Variants in NOMO3 observed in about 807,000 individuals in gnomAD.
NOMO3 encodes NODAL modulator 3.
In NOMO3, 15 loss-of-function variants were observed where a neutral mutation model predicts 69.9. That is an observed-to-expected ratio of 0.21 (90% CI 0.14 to 0.33). The LOEUF is 0.33. Ranked by LOEUF, NOMO3 falls within the 10% of genes least tolerant of loss-of-function variation. NOMO3 has a pLI of 1.00. For missense variants in NOMO3, 218 were observed against 761.0 expected (o/e 0.29, Z 8.39); for synonymous variants, 89 against 301.9 (o/e 0.29, Z 7.31).
intron 2 of NOMO3, among the ~76,000 whole-genome samples, chr16:16,239,189 T>C (rs1366075929): frequency 2.8e-5 from 4 of 144,580 alleles, no homozygotes; most frequent in African/African-American, 5.5e-5. Flanking sequence ...CCCCTTCCGC[T>C]GCCCATGCTG....
At chr16:16,241,499 C>T (rs924921366) in intron 3 of NOMO3, among the ~76,000 whole-genome samples, 1 of 126,764 alleles carries the variant, frequency 7.9e-6, no homozygotes, top group Admixed American at 7.8e-5. Context: ...AACTTCTGCC[C>T]GGGTTCAAGC....
At chr16:16,256,395 C>T (rs892144797) in intron 11 of NOMO3, among the ~76,000 whole-genome samples, 1 of 107,410 alleles carries the variant, frequency 9.3e-6, no homozygotes, top group African/African-American at 5.3e-5. Context: ...CCTGCCTCAG[C>T]TTCCCAAGTA....
chr16:16,255,642 G>A, intron 9 of NOMO3, 78 bp from the exon 10 acceptor site: 1 of 1,048,554 alleles, frequency 9.5e-7, no homozygotes, highest in Non-Finnish European at 1.4e-6. Flanking sequence ...GGTAGGTGGT[G>A]GCCGGCGCAG....
At chr16:16,274,177 G>T (rs1429034257) in intron 20 of NOMO3, 102 bp downstream of exon 20, 4 of 752,726 alleles carry the variant, frequency 5.3e-6, no homozygotes, top group African/African-American at 4.8e-5. Flanking sequence ...AGCCATCTTT[G>T]TAAGCCACCT....
chr16:16,270,221 T>C, intron 17 of NOMO3, 37 bp downstream of exon 17: 1 of 1,551,966 alleles, frequency 6.4e-7, no homozygotes, highest in Non-Finnish European at 8.6e-7. Context: ...GGTGTTTGTA[T>C]ACATTCCGTG....
At chr16:16,263,687 T>C in intron 14 of NOMO3, 43 bp downstream of exon 14, 1 of 506,838 alleles carries the variant, frequency 2.0e-6, no homozygotes, top group Non-Finnish European at 3.3e-6. Flanking sequence ...CACACACTTC[T>C]TGTCTTTGTA....
At chr16:16,254,998 T>C (rs149105701) in intron 9 of NOMO3, among the ~76,000 whole-genome samples, 5,409 of 143,398 alleles carry the variant, frequency 0.038, 688 homozygotes, top group African/African-American at 0.064. Context: ...CTGCAACCTC[T>C]GCATCCCGAG....
chr16:16,243,763 G>T (rs1196042046), intron 4 of NOMO3, among the ~76,000 whole-genome samples: 1 of 141,080 alleles, frequency 7.1e-6, no homozygotes, highest in African/African-American at 2.9e-5. Context: ...GACCTCAGGT[G>T]ATCCGCCTGC....
At chr16:16,254,840 G>T (rs553084331) in intron 9 of NOMO3, among the ~76,000 whole-genome samples, 4 of 144,852 alleles carry the variant, frequency 2.8e-5, no homozygotes, top group Non-Finnish European at 5.9e-5. Flanking sequence ...CAGGCGAGTG[G>T]GGCACAGACA....
chr16:16,252,828 ATTT>A (rs1180588275), intron 9 of NOMO3, among the ~76,000 whole-genome samples: 1 of 66,714 alleles, frequency 1.5e-5, no homozygotes. Context: ...TGTGGACCTC[ATTT>A]TTTTTTTTTT....
intron 15 of NOMO3, 90 bp downstream of exon 15, chr16:16,265,269 T>C: frequency 6.3e-7 from 1 of 1,585,962 alleles, no homozygotes; most frequent in South Asian, 1.1e-5. Flanking sequence ...ATTGTAAACG[T>C]AGGCAAGTCA....
chr16:16,238,767 G>A (rs2049350951), intron 2 of NOMO3, among the ~76,000 whole-genome samples: 1 of 138,248 alleles, frequency 7.2e-6, no homozygotes, highest in South Asian at 2.3e-4. Context: ...TTTTTAAATA[G>A]TATCAGTATC....
chr16:16,252,613 T>C (rs1224762960), intron 9 of NOMO3, 91 bp downstream of exon 9: 5 of 411,310 alleles, frequency 1.2e-5, no homozygotes, highest in Non-Finnish European at 1.6e-5. Context: ...AAAAATCAAT[T>C]ATTTTATCTG....
chr16:16,235,020 C>T (rs2049315695), intron 1 of NOMO3, among the ~76,000 whole-genome samples: 1 of 151,972 alleles, frequency 6.6e-6, no homozygotes, highest in Admixed American at 6.5e-5. Flanking sequence ...GGTGAATTTC[C>T]AGTCCCTGCC....
intron 16 of NOMO3, among the ~76,000 whole-genome samples, chr16:16,269,055 C>T (rs1389232802): frequency 1.4e-5 from 2 of 141,596 alleles, no homozygotes; most frequent in Non-Finnish European, 3.0e-5. Flanking sequence ...GTTGAGGAAA[C>T]AATGAGCCAG....
At chr16:16,243,447 A>G (rs879121151) in intron 4 of NOMO3, among the ~76,000 whole-genome samples, 186 bp downstream of exon 4, 3 of 143,848 alleles carry the variant, frequency 2.1e-5, no homozygotes, top group African/African-American at 5.6e-5. Context: ...GTATTTAGGA[A>G]TGAGATTGAG....
At chr16:16,261,367 A>G in intron 11 of NOMO3, 135 bp from the exon 12 acceptor site, 1 of 1,411,036 alleles carries the variant, frequency 7.1e-7, no homozygotes, top group Non-Finnish European at 9.5e-7. Context: ...TCTGGATTGC[A>G]TTCTGTCTCT....
rs1173388096 is a variant in NOMO3, at chr16:16,246,374, G to C, written c.510-1021G>C. ...TTCTGCTTGACTGGTGCCTCTCCAG[G>C]CCTGGTGTGTAGCAGGAATATGGAG... On this transcript the variant is annotated intron_variant, in intron 5 of 30. Coordinates refer to ENST00000399336, the MANE Select transcript of NOMO3 (RefSeq NM_001004067.4). Among the ~76,000 whole-genome samples the C allele has an allele frequency of 1.7e-4, 24 of 140,468 alleles. No homozygotes were observed. In the South Asian group the frequency reaches 4.6e-3, roughly 27 times the overall value. 92.2% of individuals were successfully genotyped at this position (140,468 alleles called of 152,430 possible). A position where few individuals can be genotyped will look rare whatever the true frequency, so the allele number is the denominator to read the frequency against.
At chr16:16,243,338 A>G (rs2049389747) in intron 4 of NOMO3, 77 bp downstream of exon 4, 1 of 576,628 alleles carries the variant, frequency 1.7e-6, no homozygotes, top group African/African-American at 2.4e-5. Flanking sequence ...AAAATGCAGG[A>G]TATTTTAACC....
Sources: gnomAD v4.1 joint callset for allele counts (sites outside exome capture counted in the v4.1 genomes callset) on GRCh38, gnomAD v4.1.1 for gene constraint, MANE v1.5 for transcripts, NCBI Gene and HGNC (gene_info 2026-07-23, HGNC 2026-07-21) for gene names.